SLC6A17: variants seen among roughly 807,000 people sequenced by gnomAD.
SLC6A17 encodes the protein sodium-dependent neutral amino acid transporter SLC6A17.
A neutral mutation model predicts 64.5 loss-of-function variants in SLC6A17; 21 were observed. The observed-to-expected ratio is 0.33, with a 90% CI of 0.23 to 0.47. SLC6A17 has a LOEUF of 0.47. Ranked by LOEUF, SLC6A17 falls within the 20% of genes least tolerant of loss-of-function variation. The pLI is 1.00. For missense variants in SLC6A17, 682 were observed against 963.2 expected, an observed-to-expected ratio of 0.71 and a Z score of 3.86; for synonymous variants, 372 against 399.5, an observed-to-expected ratio of 0.93 and a Z score of 0.82.
intron 1 of SLC6A17, among the ~76,000 whole-genome samples, chr1:110,152,021 TTTAG>T (rs1363001687): frequency 6.6e-6 from 1 of 152,248 alleles, no homozygotes; most frequent in Middle Eastern, 3.4e-3. Context: ...CGGCCAAAAC[TTTAG>T]TTAGCGCCTA....
intron 3 of SLC6A17, chr1:110,172,527 G>A (rs1268563401): frequency 1.0e-5 from 3 of 291,678 alleles, no homozygotes; most frequent in Admixed American, 9.7e-5. Context: ...GGGAACATAT[G>A]GACTAGCCCA....
chr1:110,189,910 G>A (rs1656782354), intron 6 of SLC6A17, among the ~76,000 whole-genome samples: 1 of 152,208 alleles, frequency 6.6e-6, no homozygotes, highest in African/African-American at 2.4e-5. Flanking sequence ...GGCTCTCCAA[G>A]CACTGGGTGC....
In SLC6A17 at chr1:110,192,161, T is replaced by C. The variant is rs1656844129; in HGVS notation, c.1054T>C (p.Phe352Leu). 1 of 1,614,046 alleles carries C rather than the reference T, an allele frequency of 6.2e-7. No individual in the cohort carries two copies. Among genetic ancestry groups the C allele is most frequent in the Admixed American group, 1.7e-5 (1 of 60,006 alleles). The stretch of plus-strand genomic sequence containing the variant: ...GTCAGTGTTGGCCACCCTCGTGGTG[T>C]TTGCTGTGCTGGGCTTCAAGGCCAA... Reference protein sequence around the residue: ...FTSVLATLVVFAVLGFKANIM... With the variant: ...FTSVLATLVVLAVLGFKANIM... The change falls in exon 7 of 12, where the codon TTT becomes CTT. Residue 352 changes from phenylalanine (F) to leucine (L), a missense_variant. Physicochemically the swap from Phe to Leu is conservative, Grantham distance 22. Around this residue, in one of 3 missense-constraint regions of SLC6A17, gnomAD observed 415 missense variants for 603.8 expected, o/e 0.69. Coordinates refer to ENST00000331565, the MANE Select transcript of SLC6A17 (RefSeq NM_001010898.4). The surrounding 1 kb of genome is among the most constrained non-coding windows in gnomAD (Gnocchi z 4.3).
At chr1:110,162,715 G>C (rs1362939119) in intron 1 of SLC6A17, among the ~76,000 whole-genome samples, 1 of 152,188 alleles carries the variant, frequency 6.6e-6, no homozygotes, top group Non-Finnish European at 1.5e-5. Flanking sequence ...AGGGAACTGG[G>C]GGTGGAGCAG....
chr1:110,173,916 G>T, intron 3 of SLC6A17, 57 bp from the exon 4 acceptor site: 1 of 1,561,922 alleles, frequency 6.4e-7, no homozygotes, highest in Non-Finnish European at 8.7e-7. Flanking sequence ...GGTGGAGCGT[G>T]GGGGCAGGGT....
intron 2 of SLC6A17, among the ~76,000 whole-genome samples, chr1:110,167,727 A>G (rs1217148671): frequency 6.6e-6 from 1 of 152,220 alleles, no homozygotes; most frequent in Non-Finnish European, 1.5e-5. Flanking sequence ...TTAGAACAAC[A>G]AAGCACCAAT....
intron 6 of SLC6A17, among the ~76,000 whole-genome samples, chr1:110,178,294 G>C (rs1367028553): frequency 6.6e-6 from 1 of 152,062 alleles, no homozygotes; most frequent in Non-Finnish European, 1.5e-5. Flanking sequence ...ATGTTGTTAA[G>C]GGCCCCCTGT....
intron 6 of SLC6A17, among the ~76,000 whole-genome samples, chr1:110,182,447 C>A (rs1192673320): frequency 6.6e-6 from 1 of 151,894 alleles, no homozygotes; most frequent in Non-Finnish European, 1.5e-5. Context: ...GTGTGGAGGT[C>A]TACATTTGGG....
At chr1:110,173,890 G>A (rs573253264) in intron 3 of SLC6A17, 83 bp from the exon 4 acceptor site, 20 of 1,551,506 alleles carry the variant, frequency 1.3e-5, no homozygotes, top group South Asian at 5.0e-5. Flanking sequence ...TGGCGCTGCC[G>A]ACGTGCTGGG....
intron 1 of SLC6A17, among the ~76,000 whole-genome samples, chr1:110,162,954 G>A (rs993409568): frequency 6.8e-6 from 1 of 146,758 alleles, no homozygotes; most frequent in African/African-American, 2.5e-5. Flanking sequence ...TGGCTGGCAA[G>A]CAGTGAGCTG....
At chr1:110,172,439 T>G (rs1656267451) in intron 3 of SLC6A17, 1 of 592,836 alleles carries the variant, frequency 1.7e-6, no homozygotes, top group Admixed American at 3.3e-5. Context: ...GCATGGAAGA[T>G]TTGCCATTGG....
In SLC6A17 at chr1:110,192,064, C is replaced by G; in HGVS notation, c.957C>G (p.Phe319Leu). 6.2e-7 allele frequency: 1 copy of G among 1,614,214 alleles called. No individual in the cohort carries two copies. The highest frequency in any genetic ancestry group is 8.5e-7 in the Non-Finnish European group (1 of 1,180,038). ...LGLGFGGVIA[F>L]SSYNKQDNNC... ...TGGGCTTTGGTGGTGTCATTGCCTT[C>G]TCCAGCTACAATAAGCAGGACAACA... Residue 319 changes from phenylalanine (F) to leucine (L), a missense_variant, in exon 7 of 12, where the codon TTC (phenylalanine) becomes TTG (leucine). Transcript: ENST00000331565. This position sits in a 1 kb window ranked among gnomAD's most constrained non-coding sequence, Gnocchi z 4.3.
intron 1 of SLC6A17, among the ~76,000 whole-genome samples, chr1:110,151,925 G>A (rs1347909435): frequency 6.6e-6 from 1 of 152,160 alleles, no homozygotes; most frequent in East Asian, 1.9e-4. Context: ...AAGTGGTAAT[G>A]AGGAGGAAGA....
rs72692319 is a variant in SLC6A17 at position 110,176,936 on chromosome 1, C to G, written c.864+197C>G. On this transcript the variant is annotated intron_variant, in intron 6 of 11. Coordinates refer to ENST00000331565, the MANE Select transcript of SLC6A17 (RefSeq NM_001010898.4). ...GGTTCCAAGGAGAGGCGTGTCACAT[C>G]GATTTGGGTGAAATTAGAAAAGGCT... Among the ~76,000 whole-genome samples the G allele has an allele frequency of 7.5e-3, 1,139 of 152,280 alleles. 10 individuals carry two copies. The highest frequency in any genetic ancestry group is 8.7e-3 in the Non-Finnish European group (590 of 68,016).
At chr1:110,169,159 C>T (rs1338417497) in intron 2 of SLC6A17, among the ~76,000 whole-genome samples, 4 of 152,150 alleles carry the variant, frequency 2.6e-5, no homozygotes, top group African/African-American at 9.7e-5. Flanking sequence ...GAGCCATAGT[C>T]GATGTAATCA....
intron 2 of SLC6A17, 126 bp from the exon 3 acceptor site, chr1:110,171,934 G>A (rs922216457): frequency 1.1e-5 from 14 of 1,257,634 alleles, no homozygotes; most frequent in South Asian, 5.8e-5. Context: ...GAGGAGCACC[G>A]GGACTGGTGA....
intron 1 of SLC6A17, among the ~76,000 whole-genome samples, chr1:110,159,395 A>G (rs1485350004): frequency 1.3e-5 from 2 of 152,232 alleles, no homozygotes; most frequent in African/African-American, 4.8e-5. Context: ...TTTCAGTGCC[A>G]GTTCCTCCCC....
intron 1 of SLC6A17, among the ~76,000 whole-genome samples, chr1:110,163,132 A>G (rs1030384392): frequency 2.6e-5 from 4 of 152,046 alleles, no homozygotes; most frequent in Non-Finnish European, 4.4e-5. Context: ...TGTTTTTATT[A>G]ATAATAATAT....
At position 110,166,924 on chromosome 1, in the gene SLC6A17, G is replaced by A. The variant is rs768955890; in HGVS notation, c.-6G>A. On this transcript the variant is annotated 5_prime_UTR_variant, in exon 2 of 12. Transcript: ENST00000331565. ...GGAGCAGGGCTACACGGCCCAGGTG[G>A]CATCAATGCCGAAGAACAGCAAAGT... 1.9e-6 allele frequency: 3 copies of A among 1,601,204 alleles called. No homozygotes were observed. The highest frequency in any genetic ancestry group is 2.6e-6 in the Non-Finnish European group (3 of 1,171,000).
Sources: allele counts gnomAD v4.1 joint callset (sites outside exome capture counted in the v4.1 genomes callset), GRCh38; gene constraint gnomAD v4.1.1; regional missense constraint gnomAD v4.1.1; non-coding constraint Gnocchi (gnomAD v3.1); transcripts MANE v1.5; gene names NCBI Gene and HGNC (gene_info 2026-07-23, HGNC 2026-07-21).